DNAH8: variants seen among roughly 807,000 people sequenced by gnomAD.
The protein encoded by DNAH8 is axonemal beta dynein heavy chain 8.
A neutral mutation model predicts 562.1 loss-of-function variants in DNAH8; 382 were observed. The observed-to-expected ratio is 0.68, with a 90% CI of 0.63 to 0.74. The LOEUF is 0.74. Ranked by LOEUF, DNAH8 falls within the 30% of genes least tolerant of loss-of-function variation. The pLI is 0.00. For missense variants in DNAH8, 5,203 were observed against 5,620.4 expected (o/e 0.93, Z 2.37); for synonymous variants, 1,881 against 1,919.4 (o/e 0.98, Z 0.52).
intron 82 of DNAH8, among the ~76,000 whole-genome samples, chr6:38,962,557 T>C (rs1000188213): frequency 1.3e-5 from 2 of 152,164 alleles, no homozygotes; most frequent in African/African-American, 4.8e-5. Flanking sequence ...CAGTAAACAA[T>C]GTTGAGATAG....
At chr6:38,807,793 T>TA in intron 24 of DNAH8, 77 bp downstream of exon 24, 3 of 584,112 alleles carry the variant, frequency 5.1e-6, no homozygotes, top group Non-Finnish European at 7.4e-6. Flanking sequence ...ATTTATTAAT[T>TA]AAAAAAACTA....
intron 29 of DNAH8, among the ~76,000 whole-genome samples, chr6:38,827,173 C>T (rs1773404717): frequency 6.6e-6 from 1 of 151,934 alleles, no homozygotes; most frequent in African/African-American, 2.4e-5. Context: ...CACCTACTTT[C>T]CTGCCACACT....
rs751388388 is a variant in DNAH8 at position 38,814,137 on chromosome 6, T to C, written c.3333+8T>C. 6 of 1,402,280 alleles carry C rather than the reference T, an allele frequency of 4.3e-6. No individual in the cohort carries two copies. Among genetic ancestry groups the C allele is most frequent in the Admixed American group, 3.5e-5 (2 of 57,726 alleles). 86.9% of individuals were successfully genotyped at this position (1,402,280 alleles called of 1,614,324 possible). A position where few individuals can be genotyped will look rare whatever the true frequency, so the allele number is the denominator to read the frequency against. ...CTTGCAATTCCTAATGTGGTAAGTA[T>C]TATTAAATACACTGATAATTTGATA... On this transcript the variant is annotated splice_region_variant and intron_variant, in intron 25 of 92. Transcript: ENST00000327475.
chr6:38,969,288 C>T (rs903423332), intron 82 of DNAH8, among the ~76,000 whole-genome samples: 2 of 151,834 alleles, frequency 1.3e-5, no homozygotes, highest in African/African-American at 4.8e-5. Context: ...GGAAATTATA[C>T]CTCAATTATA....
At chr6:38,761,653 G>A (rs1177407349) in intron 10 of DNAH8, 49 bp from the exon 11 acceptor site, 1 of 1,077,480 alleles carries the variant, frequency 9.3e-7, no homozygotes, top group Non-Finnish European at 1.3e-6. Context: ...ATATATAAAT[G>A]TTATTTCTCT....
At chr6:38,984,836 G>A (rs892197552) in intron 87 of DNAH8, among the ~76,000 whole-genome samples, 2 of 152,060 alleles carry the variant, frequency 1.3e-5, no homozygotes, top group Non-Finnish European at 2.9e-5. Flanking sequence ...TCTACTTGTG[G>A]TGCAGAGCAG....
intron 58 of DNAH8, among the ~76,000 whole-genome samples, chr6:38,891,566 A>G (rs1299239475): frequency 5.9e-5 from 9 of 152,198 alleles, no homozygotes; most frequent in Non-Finnish European, 1.5e-5. Context: ...GGGGTTTCTT[A>G]TGAGATGCTC....
intron 62 of DNAH8, among the ~76,000 whole-genome samples, chr6:38,906,015 C>T (rs1422025886): frequency 6.6e-6 from 1 of 152,048 alleles, no homozygotes; most frequent in Non-Finnish European, 1.5e-5. Context: ...AAGCGATTCT[C>T]CTGCCTCAGC....
chr6:38,912,240 A>T (rs1462298387), intron 66 of DNAH8, among the ~76,000 whole-genome samples: 1 of 152,178 alleles, frequency 6.6e-6, no homozygotes, highest in Non-Finnish European at 1.5e-5. Flanking sequence ...ACGCAAGCGG[A>T]TCACTTGAGC....
In DNAH8 at chr6:38,805,519, G is replaced by A. The variant is rs769418820; in HGVS notation, c.3073G>A (p.Glu1025Lys). The stretch of plus-strand genomic sequence containing the variant: ...CGTTGTTTTTGGAAGTGAAACAGGA[G>A]AGGGTGAAAACAATGACTATGAAGC... Reference protein sequence around the residue: ...KHVVFGSETGEGENNDYEANI... With the variant: ...KHVVFGSETGKGENNDYEANI... Residue 1025 changes from glutamate (E) to lysine (K), a missense_variant, in exon 23 of 93, where the codon GAG becomes AAG. Transcript: ENST00000327475. 5.0e-6 allele frequency: 8 copies of A among 1,610,206 alleles called. No individual in the cohort carries two copies. The highest frequency in any genetic ancestry group is 6.8e-6 in the Non-Finnish European group (8 of 1,176,888).
In DNAH8 at chr6:38,748,529, C is replaced by T. The variant is rs1765149603; in HGVS notation, c.1294-1947C>T. The stretch of plus-strand genomic sequence containing the variant: ...TTTTGCTGAGTAGACCTCTCCATTT[C>T]ATGCTCTCTTCATCTCTGACCAATT... On this transcript the variant is annotated intron_variant, in intron 8 of 92. Transcript: ENST00000327475. 2.0e-5 allele frequency among the ~76,000 whole-genome samples: 3 copies of T among 152,070 alleles called. No individual in the cohort carries two copies. In the South Asian group the frequency reaches 6.2e-4, roughly 32 times the overall value.
chr6:38,951,394 C>T lies in DNAH8; in HGVS notation c.12325C>T (p.Pro4109Ser), dbSNP rs1761894941. 6.2e-7 allele frequency: 1 copy of T among 1,614,116 alleles called. No homozygotes were observed. Among genetic ancestry groups the T allele is most frequent in the African/African-American group, 1.3e-5 (1 of 75,018 alleles). ...TTCTTTGGAGGAGAAGTACACAGAACCAGTTATCTTAAATCTGGAGAAAAC... is the reference window on the plus strand; with the variant it reads ...TTCTTTGGAGGAGAAGTACACAGAATCAGTTATCTTAAATCTGGAGAAAAC... ...ADSLEEKYTE[P>S]VILNLEKTWE... The change falls in exon 82 of 93, where the codon CCA (proline) becomes TCA (serine). Residue 4109 changes from proline (P) to serine (S), a missense_variant. Transcript: ENST00000327475.
intron 41 of DNAH8, 133 bp downstream of exon 41, chr6:38,853,480 C>T (rs1425107849): frequency 5.2e-6 from 5 of 959,994 alleles, no homozygotes; most frequent in East Asian, 5.4e-5. Context: ...TACTCACACT[C>T]ATTTTAGCCT....
chr6:38,911,427 G>C, intron 65 of DNAH8, 41 bp from the exon 66 acceptor site: 1 of 1,396,860 alleles, frequency 7.2e-7, no homozygotes, highest in Non-Finnish European at 1.0e-6. Context: ...ATGGGAGTAC[G>C]CACAATGATT....
intron 38 of DNAH8, among the ~76,000 whole-genome samples, chr6:38,851,256 C>A (rs150727428): frequency 6.6e-5 from 10 of 151,998 alleles, no homozygotes; most frequent in African/African-American, 2.4e-4. Flanking sequence ...TTTGGAGATA[C>A]GGTTTGTGCT....
intron 53 of DNAH8, among the ~76,000 whole-genome samples, chr6:38,879,026 AT>A (rs1259509792): frequency 2.6e-5 from 4 of 152,170 alleles, no homozygotes; most frequent in African/African-American, 9.7e-5. Context: ...TTACAATAAA[AT>A]TTAAAAAGAA....
At chr6:39,007,554 G>A (rs1048799012) in intron 88 of DNAH8, among the ~76,000 whole-genome samples, 1 of 152,190 alleles carries the variant, frequency 6.6e-6, no homozygotes, top group East Asian at 1.9e-4. Context: ...ATCTGACCAT[G>A]TCACACCTGG....
At chr6:38,923,221 T>A (rs547321852) in intron 72 of DNAH8, 36 bp downstream of exon 72, 1 of 1,609,230 alleles carries the variant, frequency 6.2e-7, no homozygotes. Context: ...TCACTCTTTC[T>A]TTGTGACATT....
chr6:38,938,402 A>C (rs1238186716), intron 78 of DNAH8, among the ~76,000 whole-genome samples, 176 bp downstream of exon 78: 2 of 152,232 alleles, frequency 1.3e-5, no homozygotes, highest in Non-Finnish European at 2.9e-5. Flanking sequence ...GGGGAATACT[A>C]TGCAGCCATA....
Sources: gnomAD v4.1 joint callset for allele counts (sites outside exome capture counted in the v4.1 genomes callset) on GRCh38, gnomAD v4.1.1 for gene constraint, MANE v1.5 for transcripts, NCBI Gene and HGNC (gene_info 2026-07-23, HGNC 2026-07-21) for gene names.